Variants in MED12L observed in about 807,000 individuals in gnomAD.
MED12L encodes the protein mediator complex subunit 12L.
In MED12L, 60 loss-of-function variants were observed where a neutral mutation model predicts 281.3. That is an observed-to-expected ratio of 0.21 (90% CI 0.17 to 0.26). The LOEUF is 0.26. Ranked by LOEUF, MED12L falls within the 10% of genes least tolerant of loss-of-function variation. The probability of loss-of-function intolerance (pLI) is 1.00; values close to 1 mark genes in which losing one functional copy is unlikely to be tolerated. For missense variants in MED12L, 2,146 were observed against 2,680.9 expected, an observed-to-expected ratio of 0.80 and a Z score of 4.41; for synonymous variants, 974 against 987.2, an observed-to-expected ratio of 0.99 and a Z score of 0.25.
chr3:151,243,150 T>A (rs1206096498), intron 16 of MED12L, among the ~76,000 whole-genome samples: 1 of 152,052 alleles, frequency 6.6e-6, no homozygotes, highest in Non-Finnish European at 1.5e-5. Context: ...TTGGTGTACC[T>A]GAAAGTGATG....
intron 16 of MED12L, among the ~76,000 whole-genome samples, chr3:151,223,704 C>A (rs4680250): frequency 6.6e-6 from 1 of 152,016 alleles, no homozygotes; most frequent in Non-Finnish European, 1.5e-5. Context: ...AGGTAGGAAG[C>A]GGGGAAATGG....
At position 151,341,020 on chromosome 3, in the gene MED12L, A is replaced by G. The variant is rs140228477; in HGVS notation, c.2251-9039A>G. On this transcript the variant is annotated intron_variant, in intron 16 of 44. Coordinates refer to ENST00000687756, the MANE Select transcript of MED12L (RefSeq NM_001393769.1). Reference sequence around the variant, plus strand: ...CGAGTTATGGTTATTTTCTATGCAAATGATAAATCCAAGTTGAGATCAAGC... The same window carrying G: ...CGAGTTATGGTTATTTTCTATGCAAGTGATAAATCCAAGTTGAGATCAAGC... Among the ~76,000 whole-genome samples, 117 of 152,300 alleles carry G rather than the reference A, an allele frequency of 7.7e-4. No individual in the cohort carries two copies. In the Middle Eastern group the frequency reaches 0.01, roughly 13 times the overall value.
At chr3:151,261,847 C>T (rs1429691292) in intron 16 of MED12L, among the ~76,000 whole-genome samples, 2 of 152,120 alleles carry the variant, frequency 1.3e-5, no homozygotes, top group African/African-American at 4.8e-5. Flanking sequence ...GCCTCAGCCT[C>T]CCGAGTAGCT....
intron 11 of MED12L, among the ~76,000 whole-genome samples, chr3:151,178,126 CCAGCCTGGGCAA>C (rs1284904110): frequency 3.6e-5 from 5 of 137,586 alleles, no homozygotes; most frequent in Non-Finnish European, 6.1e-5. Flanking sequence ...CCACTACACT[CCAGCCTGGGCAA>C]CAGAATGAGA....
intron 43 of MED12L, among the ~76,000 whole-genome samples, chr3:151,421,407 T>G (rs1054565047): frequency 7.1e-5 from 8 of 112,118 alleles, no homozygotes; most frequent in African/African-American, 2.8e-4. Context: ...TGTTTTTTTT[T>G]TTTGTTTTGT....
intron 16 of MED12L, chr3:151,300,183 A>G (rs1745713241): frequency 2.2e-6 from 2 of 928,430 alleles, no homozygotes; most frequent in South Asian, 1.3e-5. Flanking sequence ...AGCATAGGTT[A>G]TTCCTGGTTT....
intron 2 of MED12L, among the ~76,000 whole-genome samples, chr3:151,091,295 T>G: frequency 6.6e-6 from 1 of 152,100 alleles, no homozygotes; most frequent in East Asian, 1.9e-4. Flanking sequence ...GGTGTCTGCA[T>G]GCGGATATCC....
intron 11 of MED12L, among the ~76,000 whole-genome samples, chr3:151,176,191 G>A (rs1427185053): frequency 6.6e-6 from 1 of 152,142 alleles, no homozygotes; most frequent in South Asian, 2.1e-4. Flanking sequence ...GTAGCTTTGA[G>A]ACATTTGACA....
intron 16 of MED12L, among the ~76,000 whole-genome samples, chr3:151,206,746 G>A (rs534610251): frequency 1.4e-5 from 2 of 142,066 alleles, no homozygotes; most frequent in African/African-American, 2.6e-5. Flanking sequence ...CCAGGTTCAC[G>A]CCGTTCTCCT....
At position 151,368,690 on chromosome 3, in the gene MED12L, A is replaced by T. The variant is rs868401935; in HGVS notation, c.3550+439A>T. On this transcript the variant is annotated intron_variant, in intron 25 of 44. Coordinates refer to ENST00000687756, the MANE Select transcript of MED12L (RefSeq NM_001393769.1). Reference sequence around the variant, plus strand: ...ATTTCATTTCATGTCATTTCATTTTATTTCATTTCATTTCATTTCATTTCA... The same window carrying T: ...ATTTCATTTCATGTCATTTCATTTTTTTTCATTTCATTTCATTTCATTTCA... Among the ~76,000 whole-genome samples, 186 of 24,314 alleles carry T rather than the reference A, an allele frequency of 7.6e-3. 2 individuals are homozygous for T. Among genetic ancestry groups the T allele is most frequent in the African/African-American group, 0.017 (86 of 5,008 alleles). 16.0% of individuals were successfully genotyped at this position (24,314 alleles called of 152,430 possible). A position where few individuals can be genotyped will look rare whatever the true frequency, so the allele number is the denominator to read the frequency against.
intron 2 of MED12L, among the ~76,000 whole-genome samples, chr3:151,087,694 C>T (rs1719462177): frequency 6.6e-6 from 1 of 152,108 alleles, no homozygotes. Context: ...CCCAGGATTG[C>T]TTATTTCTTT....
intron 16 of MED12L, chr3:151,294,184 A>T (rs765410291): frequency 6.3e-7 from 1 of 1,594,460 alleles, no homozygotes; most frequent in Non-Finnish European, 8.6e-7. Flanking sequence ...CATCAGTGTA[A>T]TCATAATATA....
In MED12L at chr3:151,108,378, A is replaced by G. The variant is rs144752413; in HGVS notation, c.100-7960A>G. On this transcript the variant is annotated intron_variant, in intron 2 of 44. Coordinates refer to ENST00000687756, the MANE Select transcript of MED12L (RefSeq NM_001393769.1). ...GTAAAAGATTCTTCCCTTATCTTCC[A>G]GGTCTTTTATATCTGCTAACTGTAG... is the stretch of plus-strand genomic sequence containing the variant. Among the ~76,000 whole-genome samples the G allele has an allele frequency of 1.9e-3, 288 of 152,280 alleles. 16 individuals carry two copies. In the East Asian group the frequency reaches 0.053, roughly 28 times the overall value.
chr3:151,096,657 G>T (rs577891103), intron 2 of MED12L, among the ~76,000 whole-genome samples: 2 of 148,282 alleles, frequency 1.3e-5, no homozygotes, highest in African/African-American at 2.4e-5. Context: ...CTGCTATTTT[G>T]GGGGGGGAAG....
intron 16 of MED12L, among the ~76,000 whole-genome samples, chr3:151,315,394 A>G (rs535434688): frequency 3.3e-5 from 5 of 152,318 alleles, no homozygotes; most frequent in South Asian, 2.1e-4. Context: ...TCCTCTTAGC[A>G]TGTTATCTCT....
chr3:151,237,065 T>TTTTC, intron 16 of MED12L, among the ~76,000 whole-genome samples: 1 of 150,980 alleles, frequency 6.6e-6, no homozygotes, highest in African/African-American at 2.4e-5. Context: ...TTTTTTTTTT[T>TTTTC]TGAGACGGAA....
chr3:151,434,853 AAATT>A lies in MED12L; in HGVS notation c.*2051_*2054del, dbSNP rs1476785862. 6.6e-6 allele frequency: 1 copy of A among 152,228 alleles called. No individual in the cohort carries two copies. Among genetic ancestry groups the A allele is most frequent in the African/African-American group, 2.4e-5 (1 of 41,460 alleles). The allele number at this position is 152,228 out of a possible 1,614,324, so 9.4% of individuals were successfully genotyped here. ...ACTTTATACTTTGCAGAGGTGAGTT[AAATT>A]ATTAATCATTTTGCACATGAAAGCT... On this transcript the variant is annotated 3_prime_UTR_variant, in exon 45 of 45. Transcript: ENST00000687756.
chr3:151,235,576 C>T (rs112268891), intron 16 of MED12L, among the ~76,000 whole-genome samples: 1 of 152,090 alleles, frequency 6.6e-6, no homozygotes, highest in African/African-American at 2.4e-5. Flanking sequence ...TGCCTGTAAT[C>T]CCAGTTACGC....
chr3:151,373,652 T>G lies in MED12L; in HGVS notation c.3864+886T>G, dbSNP rs575162868. ...GCCTGCCCTCCTCTCCCCTGTTTATTTATTATCCATATGGGTTATAATATA... is the reference window on the plus strand; with the variant it reads ...GCCTGCCCTCCTCTCCCCTGTTTATGTATTATCCATATGGGTTATAATATA... On this transcript the variant is annotated intron_variant, in intron 27 of 44. Coordinates refer to ENST00000687756, the MANE Select transcript of MED12L (RefSeq NM_001393769.1). 3.3e-5 allele frequency among the ~76,000 whole-genome samples: 5 copies of G among 152,288 alleles called. No individual in the cohort carries two copies. In the East Asian group the frequency reaches 9.6e-4, roughly 29 times the overall value.
Sources: gnomAD v4.1 joint callset for allele counts (sites outside exome capture counted in the v4.1 genomes callset) on GRCh38, gnomAD v4.1.1 for gene constraint, MANE v1.5 for transcripts, NCBI Gene and HGNC (gene_info 2026-07-23, HGNC 2026-07-21) for gene names.